The following MVB12A variants were observed in gnomAD, a reference collection of about 807,000 sequenced individuals.
MVB12A encodes multivesicular body subunit 12A.
MVB12A carries 30 observed loss-of-function variants against 34.3 expected under a neutral mutation model. The observed-to-expected ratio is 0.88, with a 90% CI of 0.65 to 1.19. The LOEUF is 1.19. Ranked by LOEUF, MVB12A falls within the 50% of genes most tolerant of loss-of-function variation. The probability of loss-of-function intolerance (pLI) is 0.00; values close to 1 mark genes in which losing one functional copy is unlikely to be tolerated. For missense variants in MVB12A, 355 were observed against 369.2 expected (o/e 0.96, Z 0.31); for synonymous variants, 158 against 158.9 (o/e 0.99, Z 0.04).
intron 2 of MVB12A, chr19:17,413,051 A>G (rs940623754): frequency 6.6e-6 from 1 of 151,130 alleles, no homozygotes; most frequent in African/African-American, 2.4e-5. Context: ...TGTGAGGGTG[A>G]TCATCTGGAG....
intron 2 of MVB12A, among the ~76,000 whole-genome samples, chr19:17,412,229 C>G (rs1274449468): frequency 6.6e-6 from 1 of 152,154 alleles, no homozygotes; most frequent in Non-Finnish European, 1.5e-5. Flanking sequence ...TCCTTTCCCT[C>G]GGGCCTCTGC....
rs866253320 is a variant in MVB12A at position 17,422,022 on chromosome 19, G to A, written c.287-310G>A. ...TGTCCAACCTCTATAGGATTAGAGG[G>A]CTCATGGAAAGTAAGTTTTGAGGGC... On this transcript the variant is annotated intron_variant, in intron 3 of 8. Coordinates refer to ENST00000317040, the MANE Select transcript of MVB12A (RefSeq NM_138401.4). 25 of 231,024 alleles carry A rather than the reference G, an allele frequency of 1.1e-4. 1 individual carries two copies. The highest frequency in any genetic ancestry group is 2.7e-3 in the Middle Eastern group (2 of 728). The allele number at this position is 231,024 out of a possible 1,614,324, so 14.3% of individuals were successfully genotyped here. A position where few individuals can be genotyped will look rare whatever the true frequency, so the allele number is the denominator to read the frequency against.
At chr19:17,415,377 G>A (rs534698647), upstream of MVB12A, 4 of 152,326 alleles carry the variant, frequency 2.6e-5, no homozygotes, top group South Asian at 8.3e-4. Context: ...TAAGGTACTG[G>A]AACAAACAAT....
intron 2 of MVB12A, chr19:17,406,426 T>C (rs2074728931): frequency 1.3e-5 from 2 of 152,250 alleles, no homozygotes; most frequent in African/African-American, 4.8e-5. Context: ...ACCCAACTGC[T>C]GGGCATGACC....
Position 17,423,774 on chromosome 19 carries a change from G to C in MVB12A, c.615G>C (p.Glu205Asp), listed in dbSNP as rs2074853244. Residue 205 changes from glutamate to aspartate, a missense_variant, in exon 6 of 9, where the codon GAG (glutamate) becomes GAC (aspartate). Coordinates refer to ENST00000317040, the MANE Select transcript of MVB12A (RefSeq NM_138401.4). The stretch of plus-strand genomic sequence containing the variant: ...TGCGGAGGAATGACTCCATCTACGA[G>C]GCCTCCAGCCTCTATGGCATCTCAG... ...STLRRNDSIY[E>D]ASSLYGISAM... 7 of 1,613,870 alleles carry C rather than the reference G, an allele frequency of 4.3e-6. No individual in the cohort carries two copies. In the African/African-American group the frequency reaches 6.7e-5, roughly 15 times the overall value.
rs1366265410 is a variant in MVB12A at position 17,420,545 on chromosome 19, A to G, written c.197A>G (p.Gln66Arg). The G allele has an allele frequency of 6.2e-7, 1 of 1,613,470 alleles. No individual in the cohort carries two copies. Among genetic ancestry groups the G allele is most frequent in the Admixed American group, 1.7e-5 (1 of 59,988 alleles). ...TCCCCCTTCCACCCCCAGAACCCGC[A>G]GGAGAACGTGGTGGCCGATATCCAG... ...LSSLGSLENP[Q>R]ENVVADIQIV... The change falls in exon 3 of 9, where the codon CAG (glutamine) becomes CGG (arginine). Residue 66 changes from glutamine to arginine, a missense_variant. By Grantham distance (43) the Gln-to-Arg change is conservative. Coordinates refer to ENST00000317040, the MANE Select transcript of MVB12A (RefSeq NM_138401.4).
intron 7 of MVB12A, 55 bp downstream of exon 7, chr19:17,424,122 G>A (rs2074856000): frequency 6.5e-7 from 1 of 1,543,372 alleles, no homozygotes; most frequent in African/African-American, 1.4e-5. Context: ...CATTCTGGGT[G>A]CCAGGACATC....
chr19:17,410,497 C>CATATATATATATATATATATATATATAT (rs373127253), intron 2 of MVB12A, among the ~76,000 whole-genome samples: 1 of 77,626 alleles, frequency 1.3e-5, no homozygotes, highest in Non-Finnish European at 2.3e-5. Context: ...GTTTTAGCTT[C>CATATATATATATATATATATATATATAT]ATATATATAT....
chr19:17,422,627 CATTAGG>C (rs1415328772), intron 4 of MVB12A, 169 bp downstream of exon 4: 1 of 560,164 alleles, frequency 1.8e-6, no homozygotes, highest in Non-Finnish European at 2.9e-6. Flanking sequence ...GTAGGACTGT[CATTAGG>C]AGTCAGTGAC....
At chr19:17,415,465 C>G (rs1177474943), upstream of MVB12A, 2 of 152,232 alleles carry the variant, frequency 1.3e-5, no homozygotes, top group East Asian at 3.8e-4. Context: ...GCATCCATAT[C>G]TAACTCTTAT....
At position 17,423,767 on chromosome 19, in the gene MVB12A, T is replaced by C; in HGVS notation, c.608T>C (p.Ile203Thr). Reference sequence around the variant, plus strand: ...TCCACTCTGCGGAGGAATGACTCCATCTACGAGGCCTCCAGCCTCTATGGC... The same window carrying C: ...TCCACTCTGCGGAGGAATGACTCCACCTACGAGGCCTCCAGCCTCTATGGC... ...RASTLRRNDS[I>T]YEASSLYGIS... The change falls in exon 6 of 9, where the codon ATC becomes ACC. Residue 203 changes from isoleucine to threonine, a missense_variant. Transcript: ENST00000317040. The C allele has an allele frequency of 1.9e-6, 3 of 1,613,960 alleles. No individual in the cohort carries two copies. Among genetic ancestry groups the C allele is most frequent in the African/African-American group, 2.7e-5 (2 of 75,044 alleles).
chr19:17,410,496 T>TTATATATGTGTGTATATATA (rs1568387298), intron 2 of MVB12A, among the ~76,000 whole-genome samples: 10 of 31,504 alleles, frequency 3.2e-4, no homozygotes, highest in African/African-American at 7.0e-4. Flanking sequence ...GGTTTTAGCT[T>TTATATATGTGTGTATATATA]CATATATATA....
intron 2 of MVB12A, among the ~76,000 whole-genome samples, chr19:17,410,502 A>ATGTG (rs1428511601): frequency 0.026 from 1,073 of 41,172 alleles, 21 homozygotes; most frequent in African/African-American, 0.031. Flanking sequence ...AGCTTCATAT[A>ATGTG]TATATATATA....
At chr19:17,410,521 TATATATATAC>T (rs1255261483) in intron 2 of MVB12A, among the ~76,000 whole-genome samples, 5 of 65,412 alleles carry the variant, frequency 7.6e-5, no homozygotes, top group African/African-American at 3.0e-4. Flanking sequence ...TATATATATA[TATATATATAC>T]ACACACACAT....
intron 2 of MVB12A, among the ~76,000 whole-genome samples, chr19:17,411,830 A>G (rs866136388): frequency 6.6e-6 from 1 of 152,120 alleles, no homozygotes; most frequent in African/African-American, 2.4e-5. Context: ...ATCATCCGCA[A>G]CCATCCCTCA....
intron 2 of MVB12A, among the ~76,000 whole-genome samples, chr19:17,409,413 G>A (rs537581440): frequency 6.7e-6 from 1 of 148,902 alleles, no homozygotes; most frequent in South Asian, 2.1e-4. Flanking sequence ...TTACAGGCAT[G>A]AGCCACCGCT....
intron 3 of MVB12A, 130 bp from the exon 4 acceptor site, chr19:17,422,202 C>T (rs1041941475): frequency 5.4e-6 from 4 of 747,396 alleles, no homozygotes; most frequent in Non-Finnish European, 8.7e-6. Context: ...ACTCCTCCCA[C>T]CCCCATCCCC....
chr19:17,417,808 T>C (rs1315869345), upstream of MVB12A: 10 of 290,076 alleles, frequency 3.4e-5, no homozygotes, highest in Admixed American at 3.6e-4. Context: ...TTTGGACTTC[T>C]CTTTCACTGA....
At chr19:17,412,896 T>G (rs1384646899) in intron 2 of MVB12A, among the ~76,000 whole-genome samples, 1 of 152,200 alleles carries the variant, frequency 6.6e-6, no homozygotes, top group Non-Finnish European at 1.5e-5. Context: ...TAATCAGTGC[T>G]GTCAGGATGA....
Sources: allele counts gnomAD v4.1 joint callset (sites outside exome capture counted in the v4.1 genomes callset), GRCh38; gene constraint gnomAD v4.1.1; transcripts MANE v1.5; gene names NCBI Gene and HGNC (gene_info 2026-07-23, HGNC 2026-07-21).